TRPM3: variants seen among roughly 807,000 people sequenced by gnomAD.
TRPM3 encodes the protein transient receptor potential cation channel subfamily M member 3.
Under a neutral mutation model 181.2 loss-of-function variants are expected in TRPM3, and 77 were observed. The ratio of observed to expected loss-of-function variants is 0.42; its 90% confidence interval spans 0.35 to 0.51. TRPM3 has a LOEUF of 0.51. Among genes scored for constraint, TRPM3 ranks in the 20% least tolerant of loss-of-function variants. TRPM3 has a pLI of 0.01. For missense variants in TRPM3, 1,759 were observed against 2,196.7 expected, an observed-to-expected ratio of 0.80 and a Z score of 3.98; for synonymous variants, 745 against 796.4, an observed-to-expected ratio of 0.94 and a Z score of 1.09.
intron 1 of TRPM3, among the ~76,000 whole-genome samples, chr9:70,940,255 CA>C (rs1006073421): frequency 1.3e-5 from 2 of 151,734 alleles, no homozygotes; most frequent in East Asian, 1.9e-4. Flanking sequence ...AAACTTAACA[CA>C]AAAAAAAGTA....
chr9:70,892,510 TTAATTA>T (rs1177914067), intron 1 of TRPM3, among the ~76,000 whole-genome samples: 1 of 151,842 alleles, frequency 6.6e-6, no homozygotes, highest in Admixed American at 6.6e-5. Context: ...TAATTTAATT[TTAATTA>T]TTTTAATATT....
chr9:71,352,387 T>C (rs1416914594), intron 1 of TRPM3, among the ~76,000 whole-genome samples: 1 of 152,176 alleles, frequency 6.6e-6, no homozygotes, highest in Non-Finnish European at 1.5e-5. Context: ...ATATTCAACT[T>C]ATTTTTCCCT....
chr9:71,302,793 G>GGAAGGAAGGAAGAAA (rs1036003928), intron 1 of TRPM3, among the ~76,000 whole-genome samples: 1 of 151,070 alleles, frequency 6.6e-6, no homozygotes, highest in Non-Finnish European at 1.5e-5. Context: ...AAAAAAAAAA[G>GGAAGGAAGGAAGAAA]GAAGGAAGGA....
intron 1 of TRPM3, among the ~76,000 whole-genome samples, chr9:71,444,378 T>G (rs2094177122): frequency 6.6e-6 from 1 of 151,980 alleles, no homozygotes; most frequent in Admixed American, 6.6e-5. Context: ...CCCCCATGTT[T>G]TACTATTAAT....
At chr9:70,911,682 C>T (rs965232264) in intron 1 of TRPM3, among the ~76,000 whole-genome samples, 1 of 152,184 alleles carries the variant, frequency 6.6e-6, no homozygotes, top group African/African-American at 2.4e-5. Flanking sequence ...CTCTGATACT[C>T]ACTTTCCCAC....
At chr9:70,696,882 T>C (rs1402882801) in intron 8 of TRPM3, among the ~76,000 whole-genome samples, 3 of 152,194 alleles carry the variant, frequency 2.0e-5, no homozygotes, top group Non-Finnish European at 4.4e-5. Context: ...TGGGCGCTGT[T>C]CTTCTCTCCT....
Position 70,536,128 on chromosome 9 carries a change from G to GTGT in TRPM3, c.4982_4984dup (p.His1661_Thr1662insAsn). On this transcript the variant is annotated inframe_insertion, in exon 26 of 26. Transcript: ENST00000677713. Reference sequence around the variant, plus strand: ...GTCACTGATGGAGAAGCTCTTCCTGGTGTGTGCATATGGCGCACTTGGCTC... The same window carrying GTGT: ...GTCACTGATGGAGAAGCTCTTCCTGGTGTTGTGTGCATATGGCGCACTTGGCTC... The GTGT allele has an allele frequency of 6.2e-7, 1 of 1,614,222 alleles. No homozygotes were observed. Among genetic ancestry groups the GTGT allele is most frequent in the Non-Finnish European group, 8.5e-7 (1 of 1,180,046 alleles).
At chr9:71,212,989 C>T (rs1304406614) in intron 1 of TRPM3, among the ~76,000 whole-genome samples, 1 of 152,058 alleles carries the variant, frequency 6.6e-6, no homozygotes, top group African/African-American at 2.4e-5. Flanking sequence ...AAAAACAAAA[C>T]AAATAATATA....
intron 1 of TRPM3, among the ~76,000 whole-genome samples, chr9:71,402,165 T>C (rs1210912715): frequency 6.6e-6 from 1 of 152,224 alleles, no homozygotes; most frequent in African/African-American, 2.4e-5. Flanking sequence ...TGCTGCTTAC[T>C]TTTGCCAAAA....
chr9:70,843,148 T>C (rs373484096), intron 4 of TRPM3, 21 bp from the exon 5 acceptor site: 85 of 1,594,138 alleles, frequency 5.3e-5, no homozygotes, highest in African/African-American at 4.1e-5. Flanking sequence ...AAGAGAAGCA[T>C]TGATTTTTTC....
chr9:70,922,640 G>C (rs2096669483), intron 1 of TRPM3, among the ~76,000 whole-genome samples: 1 of 152,022 alleles, frequency 6.6e-6, no homozygotes, highest in African/African-American at 2.4e-5. Flanking sequence ...ATTTCTTTCA[G>C]AACTTATTAC....
intron 1 of TRPM3, among the ~76,000 whole-genome samples, chr9:70,942,740 A>G (rs902294894): frequency 2.0e-5 from 3 of 152,342 alleles, no homozygotes; most frequent in African/African-American, 7.2e-5. Flanking sequence ...TGGGCAAACC[A>G]TTAACCTCTG....
chr9:71,245,209 G>A (rs1206629801), intron 1 of TRPM3, among the ~76,000 whole-genome samples: 1 of 152,094 alleles, frequency 6.6e-6, no homozygotes, highest in African/African-American at 2.4e-5. Context: ...AGCACTTTGG[G>A]AGGCCAAGTT....
chr9:70,537,191 C>A lies in TRPM3; in HGVS notation c.3922G>T (p.Val1308Phe), dbSNP rs1286179155. 6.3e-7 allele frequency: 1 copy of A among 1,593,644 alleles called. No homozygotes were observed. The highest frequency in any genetic ancestry group is 8.6e-7 in the Non-Finnish European group (1 of 1,165,226). Reference protein sequence around the residue: ...SSDCTDAAYIVRQSSFNSQEG... With the variant: ...SSDCTDAAYIFRQSSFNSQEG... ...TGGCTGTTGAAGCTGCTCTGACGGA[C>A]AATGTAGGCGGCGTCCGTGCAGTCT... The change falls in exon 26 of 26, where the codon GTC becomes TTC. Residue 1308 changes from valine (V) to phenylalanine (F), a missense_variant. Physicochemically the swap from Val to Phe is conservative, Grantham distance 50. Transcript: ENST00000677713.
In TRPM3 at chr9:71,440,017, G is replaced by GGAGGCT. The variant is rs1464982929; in HGVS notation, c.183+6630_183+6635dup. On this transcript the variant is annotated intron_variant, in intron 1 of 24. Transcript: ENST00000357533. Reference sequence around the variant, plus strand: ...GGGCACCTGTAGTCCCAGCTACTCGGGAGGCTGAGGCTGGAGAATGGCGTG... The same window carrying GGAGGCT: ...GGGCACCTGTAGTCCCAGCTACTCGGGAGGCTGAGGCTGAGGCTGGAGAATGGCGTG... Among the ~76,000 whole-genome samples, 5 of 152,200 alleles carry GGAGGCT rather than the reference G, an allele frequency of 3.3e-5. No individual in the cohort carries two copies. The East Asian group carries it at 9.7e-4, about 29-fold the overall frequency.
intron 1 of TRPM3, among the ~76,000 whole-genome samples, chr9:71,387,501 G>A (rs1162257595): frequency 6.6e-6 from 1 of 152,072 alleles, no homozygotes; most frequent in South Asian, 2.1e-4. Context: ...GAGATTTCTT[G>A]AAGTATAATA....
chr9:71,215,065 AC>A (rs2079778032), intron 1 of TRPM3, among the ~76,000 whole-genome samples: 5 of 150,312 alleles, frequency 3.3e-5, no homozygotes, highest in African/African-American at 7.3e-5. Flanking sequence ...AAAAAAAACA[AC>A]AACCCAAAAC....
intron 1 of TRPM3, among the ~76,000 whole-genome samples, chr9:71,365,310 T>C (rs967454350): frequency 8.5e-4 from 129 of 152,340 alleles, no homozygotes; most frequent in African/African-American, 3.0e-3. Context: ...CCAGGCTGCA[T>C]GTAAAGATTA....
At chr9:70,987,024 A>G (rs974303032) in intron 1 of TRPM3, among the ~76,000 whole-genome samples, 3 of 151,660 alleles carry the variant, frequency 2.0e-5, no homozygotes, top group South Asian at 2.1e-4. Context: ...TGAGTTTTTC[A>G]TTTTACTTGA....
Sources: allele counts gnomAD v4.1 joint callset (sites outside exome capture counted in the v4.1 genomes callset), GRCh38; gene constraint gnomAD v4.1.1; transcripts MANE v1.5; gene names NCBI Gene and HGNC (gene_info 2026-07-23, HGNC 2026-07-21).